Variants in RAP1GAP2 observed in about 807,000 individuals in gnomAD.
RAP1GAP2 encodes rap1 GTPase-activating protein 2.
A neutral mutation model predicts 95.0 loss-of-function variants in RAP1GAP2; 27 were observed. That is an observed-to-expected ratio of 0.28 (90% CI 0.21 to 0.39). The LOEUF (loss-of-function observed/expected upper bound fraction) is 0.39, where lower values mean the gene tolerates loss of function less well. Among genes scored for constraint, RAP1GAP2 ranks in the 10% least tolerant of loss-of-function variants. The pLI is 1.00. For missense variants in RAP1GAP2, 771 were observed against 970.0 expected (o/e 0.79, Z 2.72); for synonymous variants, 373 against 380.9 (o/e 0.98, Z 0.24).
upstream of RAP1GAP2, among the ~76,000 whole-genome samples, chr17:2,772,512 G>T (rs538178941): frequency 3.9e-5 from 6 of 151,928 alleles, no homozygotes; most frequent in Non-Finnish European, 8.8e-5. Flanking sequence ...TGCCCAGGCT[G>T]GTCAACTCCT....
At chr17:3,021,709 A>G (rs557900213) in intron 19 of RAP1GAP2, among the ~76,000 whole-genome samples, 2 of 152,350 alleles carry the variant, frequency 1.3e-5, no homozygotes, top group South Asian at 2.1e-4. Flanking sequence ...TGTTGGGATT[A>G]CAGGCGTGAG....
In RAP1GAP2 at chr17:2,796,911, A is replaced by AGT. The variant is rs201508394; in HGVS notation, c.44+350_44+351dup. On this transcript the variant is annotated intron_variant, in intron 1 of 24. Transcript: ENST00000254695. This position sits in a 1 kb window ranked among gnomAD's most constrained non-coding sequence, Gnocchi z 4.7. ...GTGTGCGTGTCTGGGATTATGTGTA[A>AGT]GTGTGTGTGTGCGCGTTTGAGCCTG... 0.011 allele frequency among the ~76,000 whole-genome samples: 1,651 copies of AGT among 151,402 alleles called. 26 individuals are homozygous for AGT. The highest frequency in any genetic ancestry group is 0.038 in the African/African-American group (1,579 of 41,240).
At chr17:2,818,293 C>CTTCA (rs2070122343) in intron 2 of RAP1GAP2, among the ~76,000 whole-genome samples, 2 of 136,250 alleles carry the variant, frequency 1.5e-5, no homozygotes, top group Non-Finnish European at 3.1e-5. Context: ...TCTCAGCCCA[C>CTTCA]TTTATTTATT....
At chr17:2,946,539 CCT>C (rs2043702609) in intron 3 of RAP1GAP2, among the ~76,000 whole-genome samples, 1 of 152,134 alleles carries the variant, frequency 6.6e-6, no homozygotes, top group Non-Finnish European at 1.5e-5. Flanking sequence ...TATGAGTCTG[CCT>C]AATTTAAGAT....
rs532535122 is a variant in RAP1GAP2, at chr17:2,963,076, G to A, written c.247-354G>A. ...CTCAGCTTCCCAACCCAGGGGTGCC[G>A]CTTATCACTTGGAGGTCAGTCCGCC... On this transcript the variant is annotated intron_variant, in intron 5 of 24. Coordinates refer to ENST00000254695, the MANE Select transcript of RAP1GAP2 (RefSeq NM_015085.5). The surrounding 1 kb of genome is among the most constrained non-coding windows in gnomAD (Gnocchi z 4.8). 2.3e-5 allele frequency: 12 copies of A among 522,942 alleles called. No individual in the cohort carries two copies. Among genetic ancestry groups the A allele is most frequent in the East Asian group, 6.8e-5 (2 of 29,308 alleles). 32.4% of individuals were successfully genotyped at this position (522,942 alleles called of 1,614,324 possible).
intron 2 of RAP1GAP2, among the ~76,000 whole-genome samples, chr17:2,832,622 C>A (rs1388543812): frequency 2.0e-5 from 3 of 151,660 alleles, no homozygotes; most frequent in Non-Finnish European, 4.4e-5. Context: ...TTTCTCTCCT[C>A]CCCAGAGTAG....
At chr17:2,979,445 T>C (rs183471517) in intron 8 of RAP1GAP2, among the ~76,000 whole-genome samples, 1 of 150,192 alleles carries the variant, frequency 6.7e-6, no homozygotes, top group African/African-American at 2.5e-5. Context: ...CAGACAGATA[T>C]ATCAGGCGTG....
intron 2 of RAP1GAP2, among the ~76,000 whole-genome samples, chr17:2,862,489 C>T (rs2072442396): frequency 6.6e-6 from 1 of 152,104 alleles, no homozygotes; most frequent in Non-Finnish European, 1.5e-5. Context: ...GGAAGTCTCT[C>T]AGTCATTTTA....
rs563237794 is a variant in RAP1GAP2 at position 2,858,567 on chromosome 17, G to A, written c.81-46717G>A. Reference sequence around the variant, plus strand: ...GATTATTTTTTTGAAGTAAATCTCAGGTACTAGATCATTTCATTCTTAAAT... The same window carrying A: ...GATTATTTTTTTGAAGTAAATCTCAAGTACTAGATCATTTCATTCTTAAAT... On this transcript the variant is annotated intron_variant, in intron 2 of 24. Transcript: ENST00000254695. Among the ~76,000 whole-genome samples the A allele has an allele frequency of 1.8e-4, 28 of 152,064 alleles. No individual in the cohort carries two copies. The East Asian group carries it at 5.0e-3, about 27-fold the overall frequency.
chr17:2,822,518 T>A (rs1233284526), intron 2 of RAP1GAP2, among the ~76,000 whole-genome samples: 2 of 151,930 alleles, frequency 1.3e-5, no homozygotes, highest in East Asian at 1.9e-4. Flanking sequence ...TCTCAGCTAC[T>A]TGGGAGTCAG....
At chr17:3,017,988 G>T in intron 17 of RAP1GAP2, 73 bp from the exon 18 acceptor site, 4 of 1,479,312 alleles carry the variant, frequency 2.7e-6, no homozygotes, top group Non-Finnish European at 3.6e-6. Flanking sequence ...TGTGTCTACA[G>T]ACCCCACGAG....
At chr17:2,973,836 A>G (rs2044978592) in intron 8 of RAP1GAP2, among the ~76,000 whole-genome samples, 1 of 152,250 alleles carries the variant, frequency 6.6e-6, no homozygotes, top group African/African-American at 2.4e-5. Context: ...CGTGCTGCTG[A>G]AAGTGATTTA....
At chr17:2,875,997 A>G (rs1287730818) in intron 2 of RAP1GAP2, among the ~76,000 whole-genome samples, 2 of 150,156 alleles carry the variant, frequency 1.3e-5, no homozygotes, top group Non-Finnish European at 3.0e-5. Flanking sequence ...GAGTGCAATG[A>G]TGCGATCTCG....
chr17:2,996,715 T>C (rs1198012365), intron 13 of RAP1GAP2, among the ~76,000 whole-genome samples: 2 of 152,238 alleles, frequency 1.3e-5, no homozygotes, highest in Non-Finnish European at 2.9e-5. Flanking sequence ...TCTTGGGAAA[T>C]ACACCTTGGC....
intron 2 of RAP1GAP2, among the ~76,000 whole-genome samples, chr17:2,900,226 T>C (rs1449544323): frequency 6.6e-6 from 1 of 152,180 alleles, no homozygotes; most frequent in Non-Finnish European, 1.5e-5. Flanking sequence ...AACCAACGGT[T>C]ATGATCCTGA....
At chr17:3,020,673 C>G in intron 19 of RAP1GAP2, 78 bp downstream of exon 19, 1 of 1,303,462 alleles carries the variant, frequency 7.7e-7, no homozygotes, top group South Asian at 1.3e-5. Flanking sequence ...CTGTTCAGTG[C>G]CCTACCTTGC....
At chr17:2,780,107 G>C (rs113139406) in intron 1 of RAP1GAP2, among the ~76,000 whole-genome samples, 1 of 152,184 alleles carries the variant, frequency 6.6e-6, no homozygotes, top group African/African-American at 2.4e-5. Flanking sequence ...CTGGAGTGCA[G>C]TGGCGCGATC....
At chr17:3,012,110 G>T (rs535961881) in intron 17 of RAP1GAP2, among the ~76,000 whole-genome samples, 1 of 152,084 alleles carries the variant, frequency 6.6e-6, no homozygotes, top group East Asian at 1.9e-4. Flanking sequence ...ACCTCACCCC[G>T]CTTGGAGCAG....
At position 2,974,979 on chromosome 17, in the gene RAP1GAP2, C is replaced by T. The variant is rs145626079; in HGVS notation, c.597-5308C>T. On this transcript the variant is annotated intron_variant, in intron 8 of 24. Coordinates refer to ENST00000254695, the MANE Select transcript of RAP1GAP2 (RefSeq NM_015085.5). ...CACGGTAGCTCACGCCTGTAATCCC[C>T]ACACTTTGGGAAGCCAAGGTGGATG... 4.3e-4 allele frequency among the ~76,000 whole-genome samples: 66 copies of T among 152,300 alleles called. No individual in the cohort carries two copies. In the East Asian group the frequency reaches 5.4e-3, roughly 12 times the overall value.
Sources: allele counts gnomAD v4.1 joint callset (sites outside exome capture counted in the v4.1 genomes callset), GRCh38; gene constraint gnomAD v4.1.1; non-coding constraint Gnocchi (gnomAD v3.1); transcripts MANE v1.5; gene names NCBI Gene and HGNC (gene_info 2026-07-23, HGNC 2026-07-21).